The following SUCLG2 variants were observed in gnomAD, a reference collection of about 807,000 sequenced individuals.
SUCLG2 encodes the protein succinate--CoA ligase [GDP-forming] subunit beta, mitochondrial.
A neutral mutation model predicts 47.9 loss-of-function variants in SUCLG2; 42 were observed. That is an observed-to-expected ratio of 0.88 (90% CI 0.69 to 1.14). The LOEUF (loss-of-function observed/expected upper bound fraction) is 1.14. SUCLG2 is among the 50% of genes most tolerant of loss of function. The probability of loss-of-function intolerance (pLI) is 0.00; values close to 1 mark genes in which losing one functional copy is unlikely to be tolerated. For synonymous variants in SUCLG2, 195 were observed against 197.3 expected (o/e 0.99, Z 0.10); for missense variants, 571 against 525.9 (o/e 1.09, Z -0.84).
At chr3:67,391,639 A>G (rs946739043) in intron 10 of SUCLG2, among the ~76,000 whole-genome samples, 3 of 152,184 alleles carry the variant, frequency 2.0e-5, no homozygotes, top group Non-Finnish European at 4.4e-5. Context: ...TAGCTTTGAA[A>G]ACATTTTCAT....
intron 9 of SUCLG2, among the ~76,000 whole-genome samples, chr3:67,410,067 C>T (rs563974400): frequency 2.3e-4 from 35 of 152,156 alleles, no homozygotes; most frequent in African/African-American, 8.2e-4. Context: ...ATTATAACAC[C>T]TTAATTTAGT....
intron 10 of SUCLG2, among the ~76,000 whole-genome samples, chr3:67,380,751 G>A (rs1309929427): frequency 6.6e-6 from 1 of 151,966 alleles, no homozygotes; most frequent in Non-Finnish European, 1.5e-5. Flanking sequence ...ACAGAGTCAT[G>A]GGGAATAGCT....
chr3:67,426,055 G>A lies in SUCLG2; in HGVS notation c.1063-25204C>T, dbSNP rs185280321. ...ACTTAATATATGACACAATTCCTAT[G>A]AGAAAGATTCTGTACTCTGAGAGTA... On this transcript the variant is annotated intron_variant, in intron 9 of 10. Coordinates refer to ENST00000307227, the MANE Select transcript of SUCLG2 (RefSeq NM_003848.4). Among the ~76,000 whole-genome samples the A allele has an allele frequency of 3.9e-5, 6 of 152,260 alleles. No individual in the cohort carries two copies. The East Asian group carries it at 1.2e-3, about 29-fold the overall frequency.
chr3:67,552,688 C>A (rs1350020530), intron 2 of SUCLG2, among the ~76,000 whole-genome samples: 1 of 152,206 alleles, frequency 6.6e-6, no homozygotes, highest in African/African-American at 2.4e-5. Context: ...ACCTCAGTTT[C>A]TTCATCTGCA....
Position 67,534,235 on chromosome 3 carries a change from T to G in SUCLG2, c.227-5049A>C, listed in dbSNP as rs182075703. Among the ~76,000 whole-genome samples, 142 of 152,186 alleles carry G rather than the reference T, an allele frequency of 9.3e-4. 3 individuals carry two copies. Among genetic ancestry groups the G allele is most frequent in the Admixed American group, 9.3e-3 (142 of 15,280 alleles). Reference sequence around the variant, plus strand: ...AAACTTCCCTTTGAATATGATTCCCTATTATGAAAAAAAATCCTTTCTTTG... The same window carrying G: ...AAACTTCCCTTTGAATATGATTCCCGATTATGAAAAAAAATCCTTTCTTTG... On this transcript the variant is annotated intron_variant, in intron 2 of 10. Coordinates refer to ENST00000307227, the MANE Select transcript of SUCLG2 (RefSeq NM_003848.4).
intron 10 of SUCLG2, among the ~76,000 whole-genome samples, chr3:67,398,191 G>A (rs1325344687): frequency 6.7e-6 from 1 of 150,302 alleles, no homozygotes. Flanking sequence ...AAACTAAAGA[G>A]CTTCTGCGCA....
chr3:67,607,409 T>G (rs1243865385), intron 2 of SUCLG2, among the ~76,000 whole-genome samples: 4 of 152,228 alleles, frequency 2.6e-5, no homozygotes, highest in Admixed American at 6.5e-5. Context: ...ACAGAATATA[T>G]TATTAACATT....
At chr3:67,427,103 G>C (rs548081291) in intron 9 of SUCLG2, among the ~76,000 whole-genome samples, 2 of 152,206 alleles carry the variant, frequency 1.3e-5, no homozygotes, top group Non-Finnish European at 2.9e-5. Context: ...CGGTTTTTTT[G>C]CTGAATGAAA....
chr3:67,644,828 T>C (rs996777107), intron 1 of SUCLG2, among the ~76,000 whole-genome samples: 1 of 150,180 alleles, frequency 6.7e-6, no homozygotes, highest in Non-Finnish European at 1.5e-5. Context: ...AAAGCAATTC[T>C]TTTGCCACCT....
At chr3:67,518,824 T>C (rs1706021180) in intron 5 of SUCLG2, among the ~76,000 whole-genome samples, 1 of 152,212 alleles carries the variant, frequency 6.6e-6, no homozygotes. Context: ...GCACTGTCAC[T>C]ATACATTATT....
At chr3:67,396,098 C>G (rs528181036) in intron 10 of SUCLG2, among the ~76,000 whole-genome samples, 398 of 152,018 alleles carry the variant, frequency 2.6e-3, no homozygotes, top group African/African-American at 8.9e-3. Context: ...ACCCTAACAT[C>G]ACAATTAAAA....
intron 10 of SUCLG2, among the ~76,000 whole-genome samples, chr3:67,395,992 T>TA (rs1702517358): frequency 6.6e-6 from 1 of 151,912 alleles, no homozygotes; most frequent in Non-Finnish European, 1.5e-5. Context: ...AGACACAACA[T>TA]ACCAGAATCT....
downstream of SUCLG2, among the ~76,000 whole-genome samples, chr3:67,371,583 A>G (rs996816211): frequency 6.6e-6 from 1 of 152,180 alleles, no homozygotes; most frequent in East Asian, 1.9e-4. Context: ...CGGAGGTGCC[A>G]TTCACATTGT....
chr3:67,443,350 G>A (rs1343733919), intron 9 of SUCLG2, among the ~76,000 whole-genome samples: 3 of 56,990 alleles, frequency 5.3e-5, no homozygotes, highest in South Asian at 1.6e-3. Flanking sequence ...CCGCGCCGGC[G>A]AGCGCCCCTC....
intron 1 of SUCLG2, among the ~76,000 whole-genome samples, chr3:67,642,950 G>GTGTC (rs1011480860): frequency 6.6e-6 from 1 of 151,244 alleles, no homozygotes; most frequent in African/African-American, 2.4e-5. Flanking sequence ...GTGTGTGTGT[G>GTGTC]TGAGAGAGAT....
chr3:67,480,736 A>G (rs76504776), intron 9 of SUCLG2, among the ~76,000 whole-genome samples: 5,002 of 152,326 alleles, frequency 0.033, 140 homozygotes, highest in East Asian at 0.13. Context: ...ACCATCCCTG[A>G]AAGTAACCTA....
At chr3:67,404,321 C>A (rs1176603067) in intron 9 of SUCLG2, among the ~76,000 whole-genome samples, 2 of 151,338 alleles carry the variant, frequency 1.3e-5, no homozygotes, top group Non-Finnish European at 2.9e-5. Flanking sequence ...ACAGAACAAC[C>A]ATGAGAGAGC....
At chr3:67,387,368 T>C (rs1702282113) in intron 10 of SUCLG2, among the ~76,000 whole-genome samples, 1 of 152,094 alleles carries the variant, frequency 6.6e-6, no homozygotes, top group Non-Finnish European at 1.5e-5. Context: ...ATTTTAAGAG[T>C]CAACTCTTCT....
chr3:67,428,990 G>A lies in SUCLG2; in HGVS notation c.1063-28139C>T, dbSNP rs557331046. 2.0e-5 allele frequency among the ~76,000 whole-genome samples: 3 copies of A among 152,332 alleles called. No individual in the cohort carries two copies. In the South Asian group the frequency reaches 6.2e-4, roughly 32 times the overall value. ...CTATGTCTGATTGGTGTACCTGAAA[G>A]TGACAGGGAGAATGGAACCAAGTTG... On this transcript the variant is annotated intron_variant, in intron 9 of 10. Transcript: ENST00000307227.
Sources: allele counts gnomAD v4.1 joint callset (sites outside exome capture counted in the v4.1 genomes callset), GRCh38; gene constraint gnomAD v4.1.1; transcripts MANE v1.5; gene names NCBI Gene and HGNC (gene_info 2026-07-23, HGNC 2026-07-21).